FOCAD: variants seen among roughly 807,000 people sequenced by gnomAD.
FOCAD encodes KIAA1797.
Under a neutral mutation model 225.6 loss-of-function variants are expected in FOCAD, and 198 were observed. That is an observed-to-expected ratio of 0.88 (90% CI 0.78 to 0.99). The LOEUF (loss-of-function observed/expected upper bound fraction) is 0.99. FOCAD is among the 50% of genes least tolerant of loss of function. The pLI is 0.00. For synonymous variants in FOCAD, 897 were observed against 755.0 expected (o/e 1.19, Z -3.08); for missense variants, 2,713 against 2,123.6 (o/e 1.28, Z -5.46).
At position 20,995,761 on chromosome 9, in the gene FOCAD, C is replaced by A; in HGVS notation, c.*132C>A. The A allele has an allele frequency of 1.4e-6, 1 of 727,242 alleles. No homozygotes were observed. The highest frequency in any genetic ancestry group is 2.3e-6 in the Non-Finnish European group (1 of 443,508). The allele number at this position is 727,242 out of a possible 1,614,324, so 45.0% of individuals were successfully genotyped here. On this transcript the variant is annotated 3_prime_UTR_variant, in exon 44 of 44. Transcript: ENST00000338382. ...GAGTTAAGGGTCATGAAAAGATGGCCACATCACTGACAGCTTGACACATGC... is the reference window on the plus strand; with the variant it reads ...GAGTTAAGGGTCATGAAAAGATGGCAACATCACTGACAGCTTGACACATGC...
chr9:20,955,522 C>CTT (rs10715548), intron 35 of FOCAD, among the ~76,000 whole-genome samples: 34 of 136,580 alleles, frequency 2.5e-4, no homozygotes, highest in African/African-American at 9.1e-4. Context: ...ATAACTGGGT[C>CTT]TTTTTTTTTT....
intron 4 of FOCAD, among the ~76,000 whole-genome samples, chr9:20,735,596 A>G (rs1392152747): frequency 6.6e-6 from 1 of 150,944 alleles, no homozygotes; most frequent in African/African-American, 2.4e-5. Flanking sequence ...GCTCACTGTA[A>G]TCTCAAACTC....
Position 20,765,075 on chromosome 9 carries a change from T to A in FOCAD, c.699+2T>A. 1 of 1,611,124 alleles carries A rather than the reference T, an allele frequency of 6.2e-7. No individual in the cohort carries two copies. Among genetic ancestry groups the A allele is most frequent in the Non-Finnish European group, 8.5e-7 (1 of 1,178,396 alleles). ...TGTGACATAGTTCCATGTTTGCAGGTAAGGTCTTTGTCCTCCTCCACAAAT... is the reference window on the plus strand; with the variant it reads ...TGTGACATAGTTCCATGTTTGCAGGAAAGGTCTTTGTCCTCCTCCACAAAT... On this transcript the variant is annotated splice_donor_variant, in intron 7 of 43. Transcript: ENST00000338382. LOFTEE classifies it high-confidence loss of function.
intron 29 of FOCAD, among the ~76,000 whole-genome samples, chr9:20,945,754 C>A (rs1369384339): frequency 1.3e-5 from 2 of 152,012 alleles, no homozygotes; most frequent in Non-Finnish European, 2.9e-5. Context: ...TTTATAAGGC[C>A]TTAAGCAAGC....
rs60488560 is a variant in FOCAD, at chr9:20,916,866, C to T, written c.2808-27C>T. ...ATGATTTCTTGTTCTAACATAAACT[C>T]TCGTCTATTTTCCATCTTTATTGCA... On this transcript the variant is annotated intron_variant, in intron 23 of 43. Coordinates refer to ENST00000338382, the MANE Select transcript of FOCAD (RefSeq NM_001375567.1). 3,103 of 1,585,976 alleles carry T rather than the reference C, an allele frequency of 2.0e-3. 66 individuals carry two copies. In the African/African-American group the frequency reaches 0.037, roughly 19 times the overall value.
chr9:20,717,909 A>T (rs199742177), intron 3 of FOCAD, 41 bp downstream of exon 3: 3 of 1,492,336 alleles, frequency 2.0e-6, no homozygotes, highest in Non-Finnish European at 2.8e-6. Flanking sequence ...TTCAGATAAG[A>T]TTGCTACTAG....
chr9:20,963,536 C>G (rs1838964125), intron 35 of FOCAD, among the ~76,000 whole-genome samples: 1 of 152,112 alleles, frequency 6.6e-6, no homozygotes, highest in Admixed American at 6.5e-5. Flanking sequence ...AATACTCAAT[C>G]TCTGAGAGTT....
chr9:20,731,157 G>A (rs1424676654), intron 4 of FOCAD, among the ~76,000 whole-genome samples: 4 of 152,062 alleles, frequency 2.6e-5, no homozygotes, highest in Non-Finnish European at 2.9e-5. Flanking sequence ...AGAATCTCTC[G>A]AACCCAGGAG....
chr9:20,789,171 C>T (rs116972571), intron 10 of FOCAD, among the ~76,000 whole-genome samples, 180 bp from the exon 11 acceptor site: 2,699 of 152,238 alleles, frequency 0.018, 52 homozygotes, highest in Non-Finnish European at 0.027. Context: ...CAACTCTTTT[C>T]TCTTTGTGTA....
At chr9:20,801,193 A>T (rs557863643) in intron 11 of FOCAD, among the ~76,000 whole-genome samples, 1 of 152,202 alleles carries the variant, frequency 6.6e-6, no homozygotes, top group African/African-American at 2.4e-5. Flanking sequence ...GTGACACAGC[A>T]TGTTTTAATA....
intron 11 of FOCAD, among the ~76,000 whole-genome samples, chr9:20,800,374 C>T (rs887429113): frequency 1.3e-5 from 2 of 152,012 alleles, no homozygotes; most frequent in Non-Finnish European, 2.9e-5. Flanking sequence ...CTCTGTGTTT[C>T]CTGAATTTGA....
At chr9:20,892,445 T>A (rs1203303743) in intron 21 of FOCAD, among the ~76,000 whole-genome samples, 1 of 152,172 alleles carries the variant, frequency 6.6e-6, no homozygotes, top group African/African-American at 2.4e-5. Context: ...GATATCAATG[T>A]TAACCAGTAT....
At chr9:20,784,255 G>A (rs1229981194) in intron 10 of FOCAD, among the ~76,000 whole-genome samples, 3 of 152,190 alleles carry the variant, frequency 2.0e-5, no homozygotes, top group Non-Finnish European at 4.4e-5. Flanking sequence ...ATGGTAGGAG[G>A]AATCAAAGAA....
At chr9:20,750,442 A>G (rs966756172) in intron 5 of FOCAD, among the ~76,000 whole-genome samples, 1 of 152,200 alleles carries the variant, frequency 6.6e-6, no homozygotes, top group African/African-American at 2.4e-5. Context: ...TAAAATAGCA[A>G]TTAAAATATT....
intron 15 of FOCAD, among the ~76,000 whole-genome samples, chr9:20,851,901 A>G (rs1016092941): frequency 3.3e-5 from 5 of 151,942 alleles, no homozygotes; most frequent in Admixed American, 1.3e-4. Flanking sequence ...TGTATTGTCC[A>G]TGGCTGCTTT....
intron 11 of FOCAD, among the ~76,000 whole-genome samples, chr9:20,819,045 T>G (rs1824035674): frequency 6.6e-6 from 1 of 152,124 alleles, no homozygotes; most frequent in Non-Finnish European, 1.5e-5. Context: ...GAGATTGAAA[T>G]GAGGACTTAG....
intron 5 of FOCAD, 85 bp from the exon 6 acceptor site, chr9:20,758,005 A>G (rs1829214154): frequency 2.7e-6 from 2 of 747,690 alleles, no homozygotes; most frequent in Non-Finnish European, 4.3e-6. Context: ...GATGGTAGGT[A>G]CTGGCTTCTT....
chr9:20,834,273 G>C (rs766786937), intron 15 of FOCAD, among the ~76,000 whole-genome samples: 1 of 151,928 alleles, frequency 6.6e-6, no homozygotes, highest in Non-Finnish European at 1.5e-5. Flanking sequence ...CACACAGAGG[G>C]GAACAACACA....
intron 27 of FOCAD, among the ~76,000 whole-genome samples, chr9:20,930,123 A>C (rs1010910947): frequency 6.6e-6 from 1 of 152,132 alleles, no homozygotes; most frequent in African/African-American, 2.4e-5. Flanking sequence ...ATCCTTAAAG[A>C]GTCTTAATCT....
Sources: gnomAD v4.1 joint callset for allele counts (sites outside exome capture counted in the v4.1 genomes callset) on GRCh38, gnomAD v4.1.1 for gene constraint, MANE v1.5 for transcripts, NCBI Gene and HGNC (gene_info 2026-07-23, HGNC 2026-07-21) for gene names.